AXDND1: variants seen among roughly 807,000 people sequenced by gnomAD.
The protein encoded by AXDND1 is axonemal dynein light chain domain-containing protein 1.
In AXDND1, 110 loss-of-function variants were observed where a neutral mutation model predicts 137.5. The ratio of observed to expected loss-of-function variants is 0.80; its 90% CI spans 0.69 to 0.94. AXDND1 has a LOEUF of 0.94. AXDND1 is among the 40% of genes least tolerant of loss of function. AXDND1 has a pLI of 0.00. For synonymous variants in AXDND1, 414 were observed against 399.7 expected (o/e 1.04, Z -0.43); for missense variants, 1,191 against 1,169.8 (o/e 1.02, Z -0.26).
At position 179,366,453 on chromosome 1, in the gene AXDND1, A is replaced by G; in HGVS notation, c.-57A>G. 2 of 1,448,238 alleles carry G rather than the reference A, an allele frequency of 1.4e-6. No homozygotes were observed. The highest frequency in any genetic ancestry group is 1.9e-6 in the Non-Finnish European group (2 of 1,032,172). 89.7% of individuals were successfully genotyped at this position (1,448,238 alleles called of 1,614,324 possible). On this transcript the variant is annotated 5_prime_UTR_variant, in exon 2 of 26. Coordinates refer to ENST00000367618, the MANE Select transcript of AXDND1 (RefSeq NM_144696.6). ...CAGTGCGGCGCTGATTTGTGTCTAA[A>G]TTAGCTTTCCGGAGGACTATTTCAA... is the stretch of plus-strand genomic sequence containing the variant.
chr1:179,400,600 TAA>T (rs71111986), intron 11 of AXDND1, among the ~76,000 whole-genome samples: 60 of 138,298 alleles, frequency 4.3e-4, no homozygotes, highest in Non-Finnish European at 3.2e-4. Flanking sequence ...AGGGAAGAAA[TAA>T]AAAAAAAAAA....
chr1:179,499,204 A>G lies in AXDND1; in HGVS notation c.2388+6253A>G, dbSNP rs189465444. Among the ~76,000 whole-genome samples the G allele has an allele frequency of 1.3e-4, 20 of 152,284 alleles. 1 individual carries two copies. The East Asian group carries it at 3.3e-3, about 25-fold the overall frequency. On this transcript the variant is annotated intron_variant, in intron 20 of 25. Transcript: ENST00000367618. Reference sequence around the variant, plus strand: ...CTGGAAACAACCTAAATGTCCATCAATTGCGACTAGATAAACAAAATGCAG... The same window carrying G: ...CTGGAAACAACCTAAATGTCCATCAGTTGCGACTAGATAAACAAAATGCAG...
intron 25 of AXDND1, among the ~76,000 whole-genome samples, chr1:179,540,065 C>G (rs1418070683): frequency 6.6e-6 from 1 of 151,810 alleles, no homozygotes; most frequent in East Asian, 1.9e-4. Context: ...TCTTCTCTAC[C>G]CTGGTTGTTC....
intron 11 of AXDND1, among the ~76,000 whole-genome samples, chr1:179,397,106 T>A (rs1415030715): frequency 1.3e-5 from 2 of 152,234 alleles, no homozygotes; most frequent in Admixed American, 6.5e-5. Context: ...ATGTGTTTTT[T>A]AATAGCAGCT....
intron 21 of AXDND1, among the ~76,000 whole-genome samples, chr1:179,523,990 C>G (rs1558302115): frequency 6.6e-6 from 1 of 152,124 alleles, no homozygotes; most frequent in Non-Finnish European, 1.5e-5. Flanking sequence ...AGTTACTTTA[C>G]TTAGAATAAC....
rs75970943 is a variant in AXDND1 at position 179,379,490 on chromosome 1, C to A, written c.581+8C>A. 3 of 1,609,158 alleles carry A rather than the reference C, an allele frequency of 1.9e-6. No homozygotes were observed. The highest frequency in any genetic ancestry group is 2.7e-5 in the African/African-American group (2 of 73,878). ...TTTGGAGTGTTATGATGAGTGAGTA[C>A]TATGATATGTAAAAAATACCTGCCC... is the stretch of plus-strand genomic sequence containing the variant. On this transcript the variant is annotated splice_region_variant and intron_variant, in intron 6 of 25. Coordinates refer to ENST00000367618, the MANE Select transcript of AXDND1 (RefSeq NM_144696.6).
At chr1:179,396,648 T>C (rs1651118557) in intron 11 of AXDND1, among the ~76,000 whole-genome samples, 1 of 149,306 alleles carries the variant, frequency 6.7e-6, no homozygotes. Context: ...AGAGCAAGAC[T>C]CCATCTCAAA....
Position 179,468,549 on chromosome 1 carries a change from A to T in AXDND1, c.1905A>T (p.Ile635=). Residue 635 remains isoleucine (I), a synonymous_variant, in exon 17 of 26, where the codon ATA becomes ATT. Transcript: ENST00000367618. ...PDTPLEEWQE[I]DEKINEMKSH... is the part of the protein sequence containing the mutation. Reference sequence around the variant, plus strand: ...CGCCTCTTGAAGAATGGCAGGAAATAGATGAAAAAATTAATGAAATGAAAT... The same window carrying T: ...CGCCTCTTGAAGAATGGCAGGAAATTGATGAAAAAATTAATGAAATGAAAT... The T allele has an allele frequency of 1.3e-5, 21 of 1,612,780 alleles. No homozygotes were observed. Among genetic ancestry groups the T allele is most frequent in the Non-Finnish European group, 1.8e-5 (21 of 1,179,270 alleles).
intron 17 of AXDND1, among the ~76,000 whole-genome samples, chr1:179,478,035 T>A (rs1348699910): frequency 6.6e-6 from 1 of 152,218 alleles, no homozygotes; most frequent in Non-Finnish European, 1.5e-5. Flanking sequence ...ATCTGGGTCA[T>A]GCTCATTCAA....
At chr1:179,428,521 A>G (rs954712051) in intron 12 of AXDND1, among the ~76,000 whole-genome samples, 13 of 152,390 alleles carry the variant, frequency 8.5e-5, no homozygotes, top group Admixed American at 2.6e-4. Flanking sequence ...AGTATGGCCC[A>G]GGGACCCCTT....
intron 4 of AXDND1, among the ~76,000 whole-genome samples, chr1:179,374,911 G>A (rs1668432709): frequency 6.6e-6 from 1 of 151,372 alleles, no homozygotes; most frequent in African/African-American, 2.4e-5. Context: ...ACACCAACAT[G>A]GCACATGTAT....
chr1:179,494,207 C>T (rs1353360775), intron 20 of AXDND1, among the ~76,000 whole-genome samples: 6 of 152,176 alleles, frequency 3.9e-5, no homozygotes, highest in Non-Finnish European at 7.3e-5. Flanking sequence ...CCTCCTCAGC[C>T]TCCCAAAGTG....
At chr1:179,454,492 G>C (rs1221913480) in intron 16 of AXDND1, 1 of 152,260 alleles carries the variant, frequency 6.6e-6, no homozygotes, top group Admixed American at 6.5e-5. Context: ...GGAATAAGTT[G>C]AGAAATGATG....
intron 20 of AXDND1, among the ~76,000 whole-genome samples, chr1:179,501,574 T>C (rs1386997832): frequency 2.6e-5 from 4 of 151,970 alleles, no homozygotes; most frequent in African/African-American, 9.7e-5. Context: ...TAGCCAGGTG[T>C]GGTGGTGCAC....
intron 20 of AXDND1, among the ~76,000 whole-genome samples, chr1:179,496,993 G>C (rs976498403): frequency 1.7e-4 from 26 of 152,006 alleles, no homozygotes; most frequent in African/African-American, 6.3e-4. Context: ...CCAAATATTT[G>C]AGTATTTTCC....
At chr1:179,540,474 G>A (rs1672021503) in intron 25 of AXDND1, among the ~76,000 whole-genome samples, 1 of 152,176 alleles carries the variant, frequency 6.6e-6, no homozygotes, top group East Asian at 1.9e-4. Flanking sequence ...GTTGGAGTTT[G>A]CTGGGGGTCC....
At chr1:179,463,045 T>C (rs1025141594) in intron 16 of AXDND1, among the ~76,000 whole-genome samples, 3 of 152,224 alleles carry the variant, frequency 2.0e-5, no homozygotes, top group Admixed American at 6.5e-5. Context: ...AGTCTATCAA[T>C]TTTGTTAATC....
chr1:179,486,225 A>G (rs116462954), intron 18 of AXDND1, among the ~76,000 whole-genome samples: 14,068 of 151,884 alleles, frequency 0.093, 919 homozygotes, highest in African/African-American at 0.17. Flanking sequence ...GCTGAGGAAA[A>G]AAATCTCAGA....
intron 21 of AXDND1, among the ~76,000 whole-genome samples, chr1:179,513,543 T>C (rs1669246786): frequency 6.6e-6 from 1 of 152,186 alleles, no homozygotes. Flanking sequence ...GATATGTCCT[T>C]TCCTGGTTTT....
Sources: allele counts gnomAD v4.1 joint callset (sites outside exome capture counted in the v4.1 genomes callset), GRCh38; gene constraint gnomAD v4.1.1; transcripts MANE v1.5; gene names NCBI Gene and HGNC (gene_info 2026-07-23, HGNC 2026-07-21).